RPTOR: variants seen among roughly 807,000 people sequenced by gnomAD.
The protein encoded by RPTOR is regulatory associated protein of MTOR complex 1.
Under a neutral mutation model 169.9 loss-of-function variants are expected in RPTOR, and 21 were observed. The ratio of observed to expected loss-of-function variants is 0.12; its 90% confidence interval spans 0.09 to 0.18. The LOEUF (loss-of-function observed/expected upper bound fraction) is 0.18. Among genes scored for constraint, RPTOR ranks in the 10% least tolerant of loss-of-function variants. RPTOR has a pLI of 1.00. For missense variants in RPTOR, 1,133 were observed against 1,855.9 expected (o/e 0.61, Z 7.16); for synonymous variants, 732 against 753.2 (o/e 0.97, Z 0.46).
At chr17:80,573,857 G>T (rs7226296) in intron 1 of RPTOR, among the ~76,000 whole-genome samples, 1 of 152,156 alleles carries the variant, frequency 6.6e-6, no homozygotes, top group South Asian at 2.1e-4. Context: ...TGGGAACCCA[G>T]ATGGAGAACC....
chr17:80,553,570 G>A (rs1469314292), intron 1 of RPTOR, among the ~76,000 whole-genome samples: 1 of 152,168 alleles, frequency 6.6e-6, no homozygotes, highest in Non-Finnish European at 1.5e-5. Flanking sequence ...AATTAATGTT[G>A]TAGAATGAAA....
intron 3 of RPTOR, among the ~76,000 whole-genome samples, chr17:80,655,703 T>C (rs62069688): frequency 0.055 from 8,337 of 151,714 alleles, 290 homozygotes; most frequent in Non-Finnish European, 0.082. Flanking sequence ...GCCTCAGGAG[T>C]ATGTAGGACT....
At chr17:80,859,766 G>A (rs1366860004) in intron 13 of RPTOR, among the ~76,000 whole-genome samples, 1 of 152,256 alleles carries the variant, frequency 6.6e-6, no homozygotes, top group Non-Finnish European at 1.5e-5. Context: ...GCGTGCATGT[G>A]TGTGTGGCGC....
chr17:80,595,463 TTC>T (rs987983801), intron 1 of RPTOR, among the ~76,000 whole-genome samples: 3 of 152,164 alleles, frequency 2.0e-5, no homozygotes, highest in African/African-American at 4.8e-5. Context: ...GACAGGGTTT[TTC>T]CCCCCCCTTA....
At chr17:80,585,794 A>T (rs1599577379) in intron 1 of RPTOR, among the ~76,000 whole-genome samples, 1 of 152,326 alleles carries the variant, frequency 6.6e-6, no homozygotes, top group Admixed American at 6.5e-5. Flanking sequence ...TAGGAATTAT[A>T]TTATTTTTGG....
intron 1 of RPTOR, among the ~76,000 whole-genome samples, chr17:80,546,740 T>C (rs2084279866): frequency 6.6e-6 from 1 of 152,190 alleles, no homozygotes; most frequent in East Asian, 1.9e-4. Flanking sequence ...TTTTAGTATA[T>C]GATGTTGAAC....
chr17:80,761,768 C>T (rs905624410), intron 6 of RPTOR, among the ~76,000 whole-genome samples: 11 of 152,210 alleles, frequency 7.2e-5, no homozygotes, highest in Non-Finnish European at 1.5e-5. Flanking sequence ...GCTCTCGGGT[C>T]TTTTGCCGCT....
At chr17:80,652,913 C>A (rs1054553357) in intron 3 of RPTOR, among the ~76,000 whole-genome samples, 1 of 152,158 alleles carries the variant, frequency 6.6e-6, no homozygotes, top group African/African-American at 2.4e-5. Context: ...TTTCTGTATT[C>A]TTACATTGTT....
intron 3 of RPTOR, among the ~76,000 whole-genome samples, chr17:80,652,835 A>G (rs527627866): frequency 5.6e-4 from 85 of 152,190 alleles, no homozygotes; most frequent in African/African-American, 2.0e-3. Flanking sequence ...TGGCTGTACT[A>G]TTTGTCCATG....
chr17:80,577,571 G>A (rs1043074342), intron 1 of RPTOR, among the ~76,000 whole-genome samples: 17 of 152,142 alleles, frequency 1.1e-4, no homozygotes, highest in African/African-American at 3.1e-4. Context: ...GAGCCATTGC[G>A]CCTGACTCTC....
At chr17:80,720,196 G>A (rs1013642800) in intron 4 of RPTOR, among the ~76,000 whole-genome samples, 1 of 152,120 alleles carries the variant, frequency 6.6e-6, no homozygotes, top group African/African-American at 2.4e-5. Context: ...TACTCAGGAG[G>A]CTGAGACAGG....
chr17:80,906,428 C>T (rs1015960981), intron 20 of RPTOR, among the ~76,000 whole-genome samples: 1 of 152,318 alleles, frequency 6.6e-6, no homozygotes, highest in African/African-American at 2.4e-5. Flanking sequence ...CCAGTACACG[C>T]GGTGCAGGAC....
Position 80,768,005 on chromosome 17 carries a change from A to G in RPTOR, c.830+13820A>G, listed in dbSNP as rs531192985. 2.6e-5 allele frequency among the ~76,000 whole-genome samples: 4 copies of G among 152,266 alleles called. No homozygotes were observed. The South Asian group carries it at 8.3e-4, about 32-fold the overall frequency. ...CAGCCTTCTGAGTAGCTGGGATTAC[A>G]GGCACGTAACACCATGCCTGGCTAA... On this transcript the variant is annotated intron_variant, in intron 6 of 33. Transcript: ENST00000306801.
chr17:80,820,120 G>T lies in RPTOR; in HGVS notation c.891-2081G>T, dbSNP rs1048533552. Among the ~76,000 whole-genome samples, 3 of 152,180 alleles carry T rather than the reference G, an allele frequency of 2.0e-5. No homozygotes were observed. The highest frequency in any genetic ancestry group is 2.9e-5 in the Non-Finnish European group (2 of 68,028). ...GTGTCCTCCTTCCTTGCACAGTCGG[G>T]CCACTTATGTGTTTACTGATCCTAG... On this transcript the variant is annotated intron_variant, in intron 7 of 33. Coordinates refer to ENST00000306801, the MANE Select transcript of RPTOR (RefSeq NM_020761.3). This position sits in a 1 kb window ranked among gnomAD's most constrained non-coding sequence, Gnocchi z 4.1.
At chr17:80,885,922 C>G (rs1449123752) in intron 17 of RPTOR, among the ~76,000 whole-genome samples, 1 of 152,258 alleles carries the variant, frequency 6.6e-6, no homozygotes, top group African/African-American at 2.4e-5. Context: ...GTTTCACACC[C>G]TCAGATTCCC....
intron 24 of RPTOR, among the ~76,000 whole-genome samples, chr17:80,930,519 T>TCAGC (rs1282302225): frequency 1.0e-5 from 1 of 99,720 alleles, no homozygotes; most frequent in Non-Finnish European, 2.2e-5. Context: ...CATCTTCAGC[T>TCAGC]TATCCACTTC....
At chr17:80,735,158 G>T (rs1256359491) in intron 5 of RPTOR, among the ~76,000 whole-genome samples, 1 of 152,120 alleles carries the variant, frequency 6.6e-6, no homozygotes, top group East Asian at 1.9e-4. Context: ...TGGACTTGGG[G>T]GTGGCTGTGA....
chr17:80,553,348 G>C (rs544499506), intron 1 of RPTOR, among the ~76,000 whole-genome samples: 7 of 152,290 alleles, frequency 4.6e-5, no homozygotes, highest in African/African-American at 1.4e-4. Context: ...TGGATGTTGA[G>C]GCCTGTGTCC....
chr17:80,841,241 G>C (rs62636942), intron 10 of RPTOR, among the ~76,000 whole-genome samples: 239 of 3,286 alleles, frequency 0.073, 3 homozygotes, highest in South Asian at 0.089. Flanking sequence ...CTCACCGCAC[G>C]GCAGCTCACT....
Sources: allele counts gnomAD v4.1 joint callset (sites outside exome capture counted in the v4.1 genomes callset), GRCh38; gene constraint gnomAD v4.1.1; non-coding constraint Gnocchi (gnomAD v3.1); transcripts MANE v1.5; gene names NCBI Gene and HGNC (gene_info 2026-07-23, HGNC 2026-07-21).